Variants in KCTD10 observed in about 807,000 individuals in gnomAD.
KCTD10 encodes the protein potassium channel tetramerization domain containing 10.
KCTD10 carries 13 observed loss-of-function variants against 34.6 expected under a neutral mutation model. That is an observed-to-expected ratio of 0.38 (90% CI 0.24 to 0.60). The LOEUF is 0.60. Ranked by LOEUF, KCTD10 falls within the 20% of genes least tolerant of loss-of-function variation. The probability of loss-of-function intolerance (pLI) is 0.66; values close to 1 mark genes in which losing one functional copy is unlikely to be tolerated. For missense variants in KCTD10, 256 were observed against 420.3 expected, an observed-to-expected ratio of 0.61 and a Z score of 3.42; for synonymous variants, 156 against 168.8, an observed-to-expected ratio of 0.92 and a Z score of 0.59.
intron 1 of KCTD10, chr12:109,470,182 C>T: frequency 1.0e-6 from 1 of 992,572 alleles, no homozygotes; most frequent in Non-Finnish European, 1.2e-6. Context: ...CTTTACATTT[C>T]CTTATTGCCA....
rs555660362 is a variant in KCTD10 at position 109,458,004 on chromosome 12, C to T, written c.462G>A (p.Ala154=). The T allele has an allele frequency of 4.4e-5, 71 of 1,613,454 alleles. No individual in the cohort carries two copies. The highest frequency in any genetic ancestry group is 4.0e-4 in the East Asian group (18 of 44,870). The change falls in exon 4 of 7, where the codon GCG becomes GCA. Residue 154 remains alanine, a synonymous_variant. Coordinates refer to ENST00000228495, the MANE Select transcript of KCTD10 (RefSeq NM_031954.5). ...TSSKEEQKLI[A]TSNKPAVKLL... ...GCCTCCAACATACCTTATTTGAAGT[C>T]GCTATAAGTTTTTGTTCTTCCTTGG...
chr12:109,471,243 G>GCCCT (rs1873872598), intron 1 of KCTD10: 2 of 985,294 alleles, frequency 2.0e-6, no homozygotes, highest in African/African-American at 1.7e-5. Flanking sequence ...GTAAAGGGAG[G>GCCCT]CAGCTTGCAA....
At chr12:109,461,870 G>A (rs754461630) in intron 2 of KCTD10, among the ~76,000 whole-genome samples, 5 of 152,254 alleles carry the variant, frequency 3.3e-5, no homozygotes, top group African/African-American at 9.6e-5. Flanking sequence ...GAAAATGCCA[G>A]TGCGCAGGGC....
At chr12:109,461,964 C>T (rs898311192) in intron 2 of KCTD10, among the ~76,000 whole-genome samples, 33 of 147,450 alleles carry the variant, frequency 2.2e-4, no homozygotes, top group Non-Finnish European at 4.1e-4. Flanking sequence ...ATTTCCACTC[C>T]TAACAACGCT....
At chr12:109,459,442 T>C (rs1274997013) in intron 3 of KCTD10, 1 of 152,148 alleles carries the variant, frequency 6.6e-6, no homozygotes, top group African/African-American at 2.4e-5. Context: ...GGGGCTGAAG[T>C]AGGAACATAT....
chr12:109,473,831 C>T (rs1874014324), intron 1 of KCTD10, among the ~76,000 whole-genome samples: 1 of 149,834 alleles, frequency 6.7e-6, no homozygotes, highest in Admixed American at 6.7e-5. Context: ...GCCCAGGCTA[C>T]AGTACAACGG....
chr12:109,453,988 A>G (rs552530442), intron 6 of KCTD10, among the ~76,000 whole-genome samples: 1 of 152,336 alleles, frequency 6.6e-6, no homozygotes, highest in East Asian at 1.9e-4. Flanking sequence ...ACTACAAACT[A>G]CAGAAGGCTG....
chr12:109,466,905 A>C (rs1873620613), intron 2 of KCTD10, among the ~76,000 whole-genome samples: 1 of 152,248 alleles, frequency 6.6e-6, no homozygotes, highest in Non-Finnish European at 1.5e-5. Context: ...CAGGGAGTCT[A>C]TCCCAGTTTG....
Position 109,449,083 on chromosome 12 carries a change from A to T in KCTD10, c.*2512T>A, listed in dbSNP as rs2135624995. ...TAAAAAACTGTAGTTATTACATTGC[A>T]ATGAAATCTCTTTACCAAATCTTGG... On this transcript the variant is annotated 3_prime_UTR_variant, in exon 7 of 7. Transcript: ENST00000228495. 2 of 152,344 alleles carry T rather than the reference A, an allele frequency of 1.3e-5. No homozygotes were observed. The highest frequency in any genetic ancestry group is 6.8e-3 in the Middle Eastern group (2 of 294). 9.4% of individuals were successfully genotyped at this position (152,344 alleles called of 1,614,324 possible). A position where few individuals can be genotyped will look rare whatever the true frequency, so the allele number is the denominator to read the frequency against.
Position 109,459,394 on chromosome 12 carries a change from T to C in KCTD10, c.387+1242A>G, listed in dbSNP as rs1371115795. The stretch of plus-strand genomic sequence containing the variant: ...GACAAAGATGAAACAGAACCTCTGA[T>C]GTGTCTGAACACACCACTATGAGAC... On this transcript the variant is annotated intron_variant, in intron 3 of 6. Coordinates refer to ENST00000228495, the MANE Select transcript of KCTD10 (RefSeq NM_031954.5). The C allele has an allele frequency of 2.0e-5, 3 of 152,372 alleles. No individual in the cohort carries two copies. In the East Asian group the frequency reaches 5.8e-4, roughly 29 times the overall value. 9.4% of individuals were successfully genotyped at this position (152,372 alleles called of 1,614,324 possible).
intron 5 of KCTD10, 159 bp downstream of exon 5, chr12:109,457,471 A>G (rs1815311605): frequency 1.6e-6 from 1 of 623,238 alleles, no homozygotes; most frequent in South Asian, 2.0e-5. Flanking sequence ...ATTATAGCTC[A>G]GAGTTATACC....
intron 1 of KCTD10, chr12:109,471,019 C>G (rs1873859272): frequency 1.5e-6 from 1 of 648,968 alleles, no homozygotes; most frequent in Admixed American, 6.3e-5. Context: ...TCTTCCCCAC[C>G]CCAATGCAAC....
intron 2 of KCTD10, among the ~76,000 whole-genome samples, chr12:109,467,839 G>T (rs1158286270): frequency 6.6e-6 from 1 of 152,028 alleles, no homozygotes; most frequent in Non-Finnish European, 1.5e-5. Flanking sequence ...AGTACCACTC[G>T]TATGCTCTGT....
At chr12:109,469,005 T>C (rs774283682) in intron 2 of KCTD10, 1 of 152,826 alleles carries the variant, frequency 6.5e-6, no homozygotes, top group Non-Finnish European at 1.5e-5. Context: ...AAAACGTGTG[T>C]GTGTGTGTGT....
In KCTD10 at chr12:109,458,085, G is replaced by A; in HGVS notation, c.388-7C>T. 5 of 1,612,120 alleles carry A rather than the reference G, an allele frequency of 3.1e-6. No individual in the cohort carries two copies. The highest frequency in any genetic ancestry group is 3.4e-6 in the Non-Finnish European group (4 of 1,178,260). ...GCTCATAAGTATCTTTGTTCTGCTGGAACAAAACATGCTTTCAGCCTAGGA... is the reference window on the plus strand; with the variant it reads ...GCTCATAAGTATCTTTGTTCTGCTGAAACAAAACATGCTTTCAGCCTAGGA... On this transcript the variant is annotated splice_polypyrimidine_tract_variant and splice_region_variant and intron_variant, in intron 3 of 6. Coordinates refer to ENST00000228495, the MANE Select transcript of KCTD10 (RefSeq NM_031954.5).
rs1873135831 is a variant in KCTD10, at chr12:109,458,340, G to A, written c.388-262C>T. On this transcript the variant is annotated intron_variant, in intron 3 of 6. Coordinates refer to ENST00000228495, the MANE Select transcript of KCTD10 (RefSeq NM_031954.5). ...TGACACATTTTCCACAGCCCAGGAA[G>A]CCACTCAAAAATAAACCCTTGACGT... 7.7e-6 allele frequency: 3 copies of A among 389,450 alleles called. No homozygotes were observed. The East Asian group carries it at 1.3e-4, about 17-fold the overall frequency. 24.1% of individuals were successfully genotyped at this position (389,450 alleles called of 1,614,324 possible). A position where few individuals can be genotyped will look rare whatever the true frequency, so the allele number is the denominator to read the frequency against.
intron 1 of KCTD10, among the ~76,000 whole-genome samples, chr12:109,471,707 AG>A (rs1029673857): frequency 1.7e-4 from 26 of 152,200 alleles, no homozygotes; most frequent in African/African-American, 4.3e-4. Context: ...AAGACCTCGA[AG>A]GGGGGGAGAA....
At position 109,477,295 on chromosome 12, in the gene KCTD10, C is replaced by A. The variant is rs750209617; in HGVS notation, c.-33G>T. 1 of 1,613,632 alleles carries A rather than the reference C, an allele frequency of 6.2e-7. No individual in the cohort carries two copies. The highest frequency in any genetic ancestry group is 8.5e-7 in the Non-Finnish European group (1 of 1,179,810). ...CGGAGGACGCAGGAGTCTCCAAACCCGGACTGAGAGAGGCAGGAAACACCC... is the reference window on the plus strand; with the variant it reads ...CGGAGGACGCAGGAGTCTCCAAACCAGGACTGAGAGAGGCAGGAAACACCC... On this transcript the variant is annotated 5_prime_UTR_variant, in exon 1 of 7. Transcript: ENST00000228495.
At chr12:109,456,947 A>G (rs1449455320) in intron 5 of KCTD10, 1 of 156,856 alleles carries the variant, frequency 6.4e-6, no homozygotes, top group Non-Finnish European at 1.4e-5. Flanking sequence ...CCACATAGAG[A>G]CTTTGCATGA....
Sources: allele counts gnomAD v4.1 joint callset (sites outside exome capture counted in the v4.1 genomes callset), GRCh38; gene constraint gnomAD v4.1.1; transcripts MANE v1.5; gene names NCBI Gene and HGNC (gene_info 2026-07-23, HGNC 2026-07-21).